Variants in DNAJC13 observed in about 807,000 individuals in gnomAD.
DNAJC13 encodes the protein DnaJ heat shock protein family (Hsp40) member C13.
Under a neutral mutation model 290.5 loss-of-function variants are expected in DNAJC13, and 75 were observed. The observed-to-expected ratio is 0.26, with a 90% CI of 0.21 to 0.31. The LOEUF (loss-of-function observed/expected upper bound fraction) is 0.31. Among genes scored for constraint, DNAJC13 ranks in the 10% least tolerant of loss-of-function variants. The pLI is 1.00. For missense variants in DNAJC13, 2,260 were observed against 2,674.5 expected (o/e 0.85, Z 3.42); for synonymous variants, 862 against 892.0 (o/e 0.97, Z 0.60).
At chr3:132,452,587 T>C (rs946157146) in intron 6 of DNAJC13, among the ~76,000 whole-genome samples, 1 of 152,108 alleles carries the variant, frequency 6.6e-6, no homozygotes, top group Non-Finnish European at 1.5e-5. Context: ...AATCTGGAAG[T>C]TCAAAATGTT....
intron 1 of DNAJC13, among the ~76,000 whole-genome samples, chr3:132,419,015 G>A (rs529699669): frequency 1.3e-5 from 2 of 152,262 alleles, no homozygotes; most frequent in East Asian, 1.9e-4. Context: ...ATCATATAAC[G>A]TAAAACCTTG....
At chr3:132,427,141 T>A (rs1939116497) in intron 1 of DNAJC13, among the ~76,000 whole-genome samples, 3 of 146,796 alleles carry the variant, frequency 2.0e-5, no homozygotes, top group African/African-American at 7.7e-5. Context: ...ATATTTTTTT[T>A]TTTTTTTTGA....
intron 28 of DNAJC13, 79 bp downstream of exon 28, chr3:132,483,656 A>G: frequency 7.2e-7 from 1 of 1,383,656 alleles, no homozygotes; most frequent in Non-Finnish European, 1.0e-6. Context: ...GGTGTTTTAA[A>G]ACAAAGATGT....
At chr3:132,520,367 CTG>C (rs1487639591) in intron 48 of DNAJC13, among the ~76,000 whole-genome samples, 1 of 152,162 alleles carries the variant, frequency 6.6e-6, no homozygotes, top group African/African-American at 2.4e-5. Context: ...CTGAACATAA[CTG>C]GAGATTTATG....
chr3:132,494,390 A>T, intron 34 of DNAJC13, 131 bp downstream of exon 34: 1 of 706,838 alleles, frequency 1.4e-6, no homozygotes, highest in Non-Finnish European at 2.4e-6. Context: ...CTTGGGAATA[A>T]CCATATGGAA....
rs779896705 is a variant in DNAJC13 at position 132,461,132 on chromosome 3, C to A, written c.1640C>A (p.Thr547Asn). Residue 547 changes from threonine (T) to asparagine (N), a missense_variant, in exon 15 of 56, where the codon ACT (threonine) becomes AAT (asparagine). Thr to Asn is a moderately conservative substitution (Grantham distance 65). This residue lies in a region of DNAJC13 where 762 missense variants were observed against 964.1 expected (regional missense o/e 0.79). Transcript: ENST00000260818. ...CTCTGTGCTCCATATAGTGAGACAA[C>A]TGAAGGGCAGCAGTTTGATATGCTC... The part of the protein sequence containing the change: ...FALCAPYSET[T>N]EGQQFDMLLE... The A allele has an allele frequency of 6.2e-7, 1 of 1,614,040 alleles. No homozygotes were observed. The highest frequency in any genetic ancestry group is 1.7e-5 in the Admixed American group (1 of 60,008).
At chr3:132,449,100 A>AGGG (rs1933344471) in intron 5 of DNAJC13, among the ~76,000 whole-genome samples, 2 of 152,282 alleles carry the variant, frequency 1.3e-5, no homozygotes, top group African/African-American at 4.8e-5. Context: ...ACCTGATTTT[A>AGGG]CATCAGGAGT....
At chr3:132,492,860 A>G (rs1269600544) in intron 33 of DNAJC13, among the ~76,000 whole-genome samples, 1 of 151,954 alleles carries the variant, frequency 6.6e-6, no homozygotes. Context: ...AAGACAAAAC[A>G]AATTTCATGC....
chr3:132,465,146 C>A (rs1047812688), intron 17 of DNAJC13, among the ~76,000 whole-genome samples: 2 of 152,072 alleles, frequency 1.3e-5, no homozygotes, highest in Non-Finnish European at 2.9e-5. Flanking sequence ...GTTTTAGTGG[C>A]GTTCACTTTC....
chr3:132,453,409 C>A lies in DNAJC13; in HGVS notation c.649C>A (p.Gln217Lys), dbSNP rs557390270. Residue 217 changes from glutamine to lysine, a missense_variant, in exon 7 of 56, where the codon CAA (glutamine) becomes AAA (lysine). Physicochemically the swap from Gln to Lys is moderately conservative, Grantham distance 53. Around this residue, in one of 3 missense-constraint regions of DNAJC13, gnomAD observed 762 missense variants for 964.1 expected, o/e 0.79. Coordinates refer to ENST00000260818, the MANE Select transcript of DNAJC13 (RefSeq NM_015268.4). ...RIRKEPLEFE[Q>K]YLNLRFGKYS... ...CAGGAAAGAGCCTTTAGAATTCGAG[C>A]AATATTTGAATCTTCGCTTTGGAAA... is the stretch of plus-strand genomic sequence containing the variant. 3 of 1,613,912 alleles carry A rather than the reference C, an allele frequency of 1.9e-6. No homozygotes were observed. Among genetic ancestry groups the A allele is most frequent in the Non-Finnish European group, 2.5e-6 (3 of 1,179,904 alleles).
rs773296789 is a variant in DNAJC13 at position 132,477,905 on chromosome 3, G to T, written c.2549+13G>T. On this transcript the variant is annotated intron_variant, in intron 23 of 55. Coordinates refer to ENST00000260818, the MANE Select transcript of DNAJC13 (RefSeq NM_015268.4). Reference sequence around the variant, plus strand: ...CAATTAAGAGATCGTGAGCTACTCTGTATATCCTGTCGCATTTGTTTTCAC... The same window carrying T: ...CAATTAAGAGATCGTGAGCTACTCTTTATATCCTGTCGCATTTGTTTTCAC... 1.9e-6 allele frequency: 3 copies of T among 1,607,476 alleles called. No individual in the cohort carries two copies. In the African/African-American group the frequency reaches 4.0e-5, roughly 22 times the overall value.
intron 36 of DNAJC13, among the ~76,000 whole-genome samples, chr3:132,497,748 A>G (rs1935280696): frequency 1.3e-5 from 2 of 152,186 alleles, no homozygotes; most frequent in Admixed American, 1.3e-4. Context: ...TATCAAGGTC[A>G]TCTTTAACTT....
Position 132,488,330 on chromosome 3 carries a change from G to A in DNAJC13, c.3300G>A (p.Glu1100=). 1 of 1,612,110 alleles carries A rather than the reference G, an allele frequency of 6.2e-7. No homozygotes were observed. The highest frequency in any genetic ancestry group is 8.5e-7 in the Non-Finnish European group (1 of 1,179,140). ...LLLTFDPILV[E]KVAILLYHIM... ...TGACCTTTGACCCTATCCTTGTTGA[G>A]AAGGTTGCTATTTTGTTATACCATA... The change falls in exon 30 of 56, where the codon GAG becomes GAA. Residue 1100 remains glutamate, a synonymous_variant. Coordinates refer to ENST00000260818, the MANE Select transcript of DNAJC13 (RefSeq NM_015268.4).
At chr3:132,424,896 C>T (rs1456083738) in intron 1 of DNAJC13, among the ~76,000 whole-genome samples, 1 of 152,042 alleles carries the variant, frequency 6.6e-6, no homozygotes, top group East Asian at 1.9e-4. Flanking sequence ...TTTACCTGTA[C>T]TTGAGTCATA....
Position 132,517,409 on chromosome 3 carries a change from A to T in DNAJC13, c.5673+593A>T, listed in dbSNP as rs192625394. ...TTTCATTCAGGTGCAAGTGGTATCA[A>T]TGTCCCTTTATTTTGTTACTAAGTC... On this transcript the variant is annotated intron_variant, in intron 48 of 55. Coordinates refer to ENST00000260818, the MANE Select transcript of DNAJC13 (RefSeq NM_015268.4). Among the ~76,000 whole-genome samples, 31 of 152,352 alleles carry T rather than the reference A, an allele frequency of 2.0e-4. No homozygotes were observed. The East Asian group carries it at 5.0e-3, about 25-fold the overall frequency.
chr3:132,463,051 G>A (rs1933855833), intron 16 of DNAJC13, among the ~76,000 whole-genome samples: 1 of 152,166 alleles, frequency 6.6e-6, no homozygotes, highest in Non-Finnish European at 1.5e-5. Flanking sequence ...ATGAATGTCT[G>A]TTGCATACTA....
At chr3:132,531,689 C>T (rs1457599162) in intron 55 of DNAJC13, among the ~76,000 whole-genome samples, 3 of 151,400 alleles carry the variant, frequency 2.0e-5, no homozygotes, top group East Asian at 3.9e-4. Context: ...CCCATCTACT[C>T]GGGAGGCTGA....
intron 47 of DNAJC13, 60 bp downstream of exon 47, chr3:132,516,556 C>G (rs1935925884): frequency 1.3e-6 from 2 of 1,569,574 alleles, no homozygotes; most frequent in Non-Finnish European, 1.7e-6. Context: ...TTATTTTGAG[C>G]TGCATTTTAC....
At chr3:132,482,399 A>G in intron 27 of DNAJC13, 69 bp downstream of exon 27, 2 of 1,229,126 alleles carry the variant, frequency 1.6e-6, no homozygotes, top group Non-Finnish European at 1.2e-6. Flanking sequence ...TAGCACTTAC[A>G]GAGGCGTGGA....
Sources: allele counts gnomAD v4.1 joint callset (sites outside exome capture counted in the v4.1 genomes callset), GRCh38; gene constraint gnomAD v4.1.1; regional missense constraint gnomAD v4.1.1; transcripts MANE v1.5; gene names NCBI Gene and HGNC (gene_info 2026-07-23, HGNC 2026-07-21).